The following TAS2R1 variants were observed in gnomAD, a reference collection of about 807,000 sequenced individuals.
TAS2R1 encodes the protein taste receptor type 2 member 1.
For synonymous variants in TAS2R1, 141 were observed against 134.2 expected, an observed-to-expected ratio of 1.05 and a Z score of -0.35; for missense variants, 370 against 353.4, an observed-to-expected ratio of 1.05 and a Z score of -0.38.
the TAS2R1 span, among the ~76,000 whole-genome samples, chr5:9,863,840 A>C: frequency 6.6e-6 from 1 of 152,298 alleles, no homozygotes; most frequent in African/African-American, 2.4e-5. Context: ...CCCCTTCAAA[A>C]GTTCTGGTCA....
At position 9,630,208 on chromosome 5, in the gene TAS2R1, G is replaced by A. The variant is rs1739848692; in HGVS notation, c.-176C>T. ...TTTATGTCACTGCTTTCTCTATTTA[G>A]TTCTGAGACAGTCAAATAAGGAGGA... is the stretch of plus-strand genomic sequence containing the variant. On this transcript the variant is annotated 5_prime_UTR_variant, in exon 1 of 1. Transcript: ENST00000382492. The A allele has an allele frequency of 4.1e-6, 2 of 486,430 alleles. No homozygotes were observed. Among genetic ancestry groups the A allele is most frequent in the Non-Finnish European group, 7.2e-6 (2 of 276,550 alleles). The allele number at this position is 486,430 out of a possible 1,614,324, so 30.1% of individuals were successfully genotyped here.
chr5:9,779,092 T>A, the TAS2R1 span, among the ~76,000 whole-genome samples: 1 of 152,308 alleles, frequency 6.6e-6, no homozygotes, highest in South Asian at 2.1e-4. Context: ...GTTTGGGCCA[T>A]GGTGGCATAT....
At chr5:9,670,121 A>C (rs1021936029) in intron 1 of TAS2R1, among the ~76,000 whole-genome samples, 1 of 152,160 alleles carries the variant, frequency 6.6e-6, no homozygotes, top group Non-Finnish European at 1.5e-5. Flanking sequence ...TACTATGAAC[A>C]CCTCTATGCA....
the TAS2R1 span, among the ~76,000 whole-genome samples, chr5:9,859,765 G>A: frequency 1.3e-5 from 2 of 152,090 alleles, no homozygotes; most frequent in Admixed American, 1.3e-4. Flanking sequence ...TCAACAACAG[G>A]ATCCTCACTG....
At chr5:9,861,247 C>T in the TAS2R1 span, among the ~76,000 whole-genome samples, 2 of 151,816 alleles carry the variant, frequency 1.3e-5, no homozygotes, top group African/African-American at 2.4e-5. Flanking sequence ...TGCAGCTGGC[C>T]GTATTTCCCA....
the TAS2R1 span, among the ~76,000 whole-genome samples, chr5:9,865,477 T>C: frequency 6.6e-6 from 1 of 152,194 alleles, no homozygotes; most frequent in Non-Finnish European, 1.5e-5. Flanking sequence ...ATTCATTTCA[T>C]TTCCATTTTC....
chr5:9,634,076 G>A (rs1462970515), upstream of TAS2R1, among the ~76,000 whole-genome samples: 1 of 152,074 alleles, frequency 6.6e-6, no homozygotes, highest in Non-Finnish European at 1.5e-5. Flanking sequence ...ATGGTTTTAG[G>A]TGTTATATTT....
chr5:9,836,233 T>C, the TAS2R1 span, among the ~76,000 whole-genome samples: 3 of 152,156 alleles, frequency 2.0e-5, no homozygotes, highest in Admixed American at 2.0e-4. Context: ...TAAACCTCTT[T>C]CTTTTGTAAA....
intron 1 of TAS2R1, among the ~76,000 whole-genome samples, chr5:9,695,328 T>C (rs1041857306): frequency 2.0e-5 from 3 of 152,192 alleles, no homozygotes; most frequent in Admixed American, 6.5e-5. Flanking sequence ...CTTTAAAATT[T>C]ATAATGAAAC....
chr5:9,692,114 C>G (rs757004146), intron 1 of TAS2R1, among the ~76,000 whole-genome samples: 4 of 152,152 alleles, frequency 2.6e-5, no homozygotes, highest in Non-Finnish European at 5.9e-5. Context: ...CATGCTCACT[C>G]CAGCTCCAGT....
At chr5:9,646,071 CCAGT>C (rs1740180753) in intron 2 of TAS2R1, among the ~76,000 whole-genome samples, 2 of 152,050 alleles carry the variant, frequency 1.3e-5, no homozygotes, top group Non-Finnish European at 2.9e-5. Context: ...CTGCCTAAAG[CCAGT>C]CATTTAGTGA....
In TAS2R1 at chr5:9,629,408, T is replaced by G. The variant is rs764606965; in HGVS notation, c.625A>C (p.Arg209=). 6.2e-7 allele frequency: 1 copy of G among 1,614,144 alleles called. No individual in the cohort carries two copies. The highest frequency in any genetic ancestry group is 8.5e-7 in the Non-Finnish European group (1 of 1,180,030). ...ACCCTGCTGCCGGCCACTGTGTTTC[T>G]CATTTGCCGGGTGTGCCTCCCCAGA... ...FSLGRHTRQM[R]NTVAGSRVPG... is the part of the protein sequence containing the mutation. The change falls in exon 1 of 1, where the codon AGA becomes CGA. Residue 209 remains arginine, a synonymous_variant. Coordinates refer to ENST00000382492, the MANE Select transcript of TAS2R1 (RefSeq NM_019599.3).
intron 2 of TAS2R1, among the ~76,000 whole-genome samples, chr5:9,651,729 TGAA>T (rs1490412376): frequency 1.3e-5 from 2 of 150,966 alleles, no homozygotes; most frequent in East Asian, 3.9e-4. Context: ...GGTATGAGAA[TGAA>T]GAACACTCCG....
chr5:9,871,745 A>G, the TAS2R1 span, among the ~76,000 whole-genome samples: 2 of 152,230 alleles, frequency 1.3e-5, no homozygotes, highest in African/African-American at 2.4e-5. Flanking sequence ...ATTCAGTTCA[A>G]TAACTGTCAA....
the TAS2R1 span, among the ~76,000 whole-genome samples, chr5:9,778,476 A>G: frequency 6.6e-6 from 1 of 152,216 alleles, no homozygotes; most frequent in African/African-American, 2.4e-5. Context: ...GAAGCCAGGA[A>G]TTGTCTTCTC....
upstream of TAS2R1, chr5:9,712,288 T>C (rs138657353): frequency 6.6e-6 from 1 of 152,316 alleles, no homozygotes; most frequent in African/African-American, 2.4e-5. Flanking sequence ...TCTTGCTGTC[T>C]TACCACTTTG....
the TAS2R1 span, among the ~76,000 whole-genome samples, chr5:9,816,258 C>T: frequency 9.2e-5 from 14 of 151,980 alleles, no homozygotes; most frequent in Admixed American, 9.2e-4. Flanking sequence ...AAGTCTTAAC[C>T]CTGGCATGCT....
At chr5:9,631,119 T>C (rs1204216248), upstream of TAS2R1, among the ~76,000 whole-genome samples, 1 of 152,148 alleles carries the variant, frequency 6.6e-6, no homozygotes, top group Non-Finnish European at 1.5e-5. Context: ...CATTGCCAAA[T>C]GTTCAAGAGT....
At chr5:9,816,877 A>G in the TAS2R1 span, among the ~76,000 whole-genome samples, 2 of 152,214 alleles carry the variant, frequency 1.3e-5, no homozygotes, top group Admixed American at 1.3e-4. Context: ...ATAAATGTTT[A>G]AATGAAACAC....
Sources: gnomAD v4.1 joint callset for allele counts (sites outside exome capture counted in the v4.1 genomes callset) on GRCh38, gnomAD v4.1.1 for gene constraint, MANE v1.5 for transcripts, NCBI Gene and HGNC (gene_info 2026-07-23, HGNC 2026-07-21) for gene names.